The following ZNF789 variants were observed in gnomAD, a reference collection of about 807,000 sequenced individuals.
ZNF789 encodes zinc finger protein 789.
In ZNF789, 11 loss-of-function variants were observed where a neutral mutation model predicts 15.6. The ratio of observed to expected loss-of-function variants is 0.70; its 90% CI spans 0.44 to 1.16. ZNF789 has a LOEUF of 1.16. ZNF789 is among the 50% of genes most tolerant of loss of function. ZNF789 has a pLI of 0.00. For missense variants in ZNF789, 461 were observed against 512.6 expected (o/e 0.90, Z 0.97); for synonymous variants, 159 against 176.0 (o/e 0.90, Z 0.76).
intron 3 of ZNF789, chr7:99,483,678 C>CTT (rs1271327081): frequency 6.4e-6 from 5 of 780,546 alleles, no homozygotes. Flanking sequence ...CTGCCTAATA[C>CTT]TTATGCCTTC....
At chr7:99,482,871 T>C (rs959814318) in intron 3 of ZNF789, among the ~76,000 whole-genome samples, 4 of 150,514 alleles carry the variant, frequency 2.7e-5, no homozygotes, top group Non-Finnish European at 5.9e-5. Context: ...TAAAAAAAAT[T>C]TGGATCATGC....
chr7:99,481,442 T>C (rs1175257852), intron 3 of ZNF789: 1 of 152,170 alleles, frequency 6.6e-6, no homozygotes, highest in Non-Finnish European at 1.5e-5. Flanking sequence ...GCATATCCAA[T>C]AGTAACATTT....
chr7:99,483,649 A>G lies in ZNF789; in HGVS notation c.152-381A>G, dbSNP rs959434753. 1.2e-5 allele frequency: 9 copies of G among 773,000 alleles called. No homozygotes were observed. The African/African-American group carries it at 1.5e-4, about 13-fold the overall frequency. The allele number at this position is 773,000 out of a possible 1,614,324, so 47.9% of individuals were successfully genotyped here. On this transcript the variant is annotated intron_variant, in intron 3 of 4. Transcript: ENST00000331410. Reference sequence around the variant, plus strand: ...AAAAATAAAAAAAATAAACAATTGAATACAAGGATTTTTAATATCTGCCTA... The same window carrying G: ...AAAAATAAAAAAAATAAACAATTGAGTACAAGGATTTTTAATATCTGCCTA...
At chr7:99,479,989 A>C in intron 3 of ZNF789, 1 of 655,318 alleles carries the variant, frequency 1.5e-6, no homozygotes, top group Non-Finnish European at 2.4e-6. Context: ...TATTGTCTTT[A>C]TTTTTCCAAC....
chr7:99,487,239 CAGTGAATG>C lies in ZNF789; in HGVS notation c.1030_1037del (p.Ser344TrpfsTer6), dbSNP rs776517322. On this transcript the variant is annotated frameshift_variant, in exon 5 of 5. Transcript: ENST00000331410. LOFTEE classifies it low-confidence loss of function (END_TRUNC). ...ACAGTAAACCGAACACCCATAAATG[CAGTGAATG>C]TGGACAGTCCTTTGGTAGGAATGTG... The C allele has an allele frequency of 1.2e-6, 2 of 1,614,094 alleles. No homozygotes were observed. Among genetic ancestry groups the C allele is most frequent in the African/African-American group, 1.3e-5 (1 of 74,924 alleles).
chr7:99,474,687 G>A (rs906926586), intron 1 of ZNF789, among the ~76,000 whole-genome samples: 1 of 152,194 alleles, frequency 6.6e-6, no homozygotes, highest in Non-Finnish European at 1.5e-5. Context: ...GTTTGGACAA[G>A]TTTGGTGTAG....
chr7:99,482,889 G>A (rs1027326007), intron 3 of ZNF789, among the ~76,000 whole-genome samples: 1 of 151,746 alleles, frequency 6.6e-6, no homozygotes, highest in Admixed American at 6.6e-5. Context: ...TGCTATATAT[G>A]AGTTTTGTAT....
chr7:99,485,644 C>A (rs975209492), intron 4 of ZNF789, among the ~76,000 whole-genome samples: 1 of 152,030 alleles, frequency 6.6e-6, no homozygotes, highest in African/African-American at 2.4e-5. Context: ...CCAGCCTGGC[C>A]AACATGGCGA....
intron 3 of ZNF789, 121 bp from the exon 4 acceptor site, chr7:99,483,909 G>C (rs560556422): frequency 1.2e-6 from 1 of 824,876 alleles, no homozygotes; most frequent in African/African-American, 1.7e-5. Flanking sequence ...CAAAGATTGT[G>C]CCAATCTCTA....
At chr7:99,481,860 T>C (rs1404647910) in intron 3 of ZNF789, 15 of 355,830 alleles carry the variant, frequency 4.2e-5, no homozygotes, top group Non-Finnish European at 6.7e-5. Context: ...GTAAATAGAG[T>C]AGATAATAAA....
Position 99,486,543 on chromosome 7 carries a change from A to G in ZNF789, c.333A>G (p.Ser111=). The change falls in exon 5 of 5, where the codon TCA becomes TCG. Residue 111 remains serine, a synonymous_variant. Coordinates refer to ENST00000331410, the MANE Select transcript of ZNF789 (RefSeq NM_213603.3). ...AGAAATTTTCTGAAGATTTAGAGTC[A>G]TATAAGATATCAGTGGTAATGCAGG... ...PKQKFSEDLE[S]YKISVVMQES... 6.2e-7 allele frequency: 1 copy of G among 1,614,210 alleles called. No individual in the cohort carries two copies. Among genetic ancestry groups the G allele is most frequent in the Non-Finnish European group, 8.5e-7 (1 of 1,180,034 alleles).
In ZNF789 at chr7:99,484,666, C is replaced by T. The variant is rs140922719; in HGVS notation, c.265+523C>T. 3.5e-3 allele frequency among the ~76,000 whole-genome samples: 535 copies of T among 151,386 alleles called. 1 individual carries two copies. The highest frequency in any genetic ancestry group is 6.2e-3 in the Non-Finnish European group (419 of 67,892). The stretch of plus-strand genomic sequence containing the variant: ...CACACAGGCCTGGTATGGGGGCTCA[C>T]GCCGGTAATCCCAGCACTTTGGGAG... On this transcript the variant is annotated intron_variant, in intron 4 of 4. Transcript: ENST00000331410.
intron 3 of ZNF789, chr7:99,482,084 C>T (rs568868914): frequency 2.6e-6 from 2 of 768,224 alleles, no homozygotes; most frequent in South Asian, 1.4e-5. Flanking sequence ...ACAAGAAATT[C>T]ACTTATGTTT....
intron 3 of ZNF789, chr7:99,481,188 T>C (rs1333441751): frequency 2.6e-5 from 4 of 152,228 alleles, no homozygotes; most frequent in Non-Finnish European, 5.9e-5. Context: ...ATAATTCCAT[T>C]GTGTGGTCCA....
intron 2 of ZNF789, among the ~76,000 whole-genome samples, chr7:99,477,117 A>G (rs1799378340): frequency 6.6e-6 from 1 of 151,196 alleles, no homozygotes; most frequent in African/African-American, 2.4e-5. Context: ...ATCTCAGCTC[A>G]CTGCATCCTC....
chr7:99,483,411 CCT>C (rs1799749299), intron 3 of ZNF789, among the ~76,000 whole-genome samples: 1 of 152,056 alleles, frequency 6.6e-6, no homozygotes. Context: ...GGGTGGATCA[CCT>C]GAGGTCAGGA....
chr7:99,486,668 G>T lies in ZNF789; in HGVS notation c.458G>T (p.Gly153Val), dbSNP rs747777469. 2 of 1,614,188 alleles carry T rather than the reference G, an allele frequency of 1.2e-6. No individual in the cohort carries two copies. Among genetic ancestry groups the T allele is most frequent in the Non-Finnish European group, 1.7e-6 (2 of 1,180,044 alleles). ...FPTSGDEYSR[G>V]FLQNLNLIQD... ...ACTAGTGGTGATGAATACAGCAGGG[G>T]CTTCCTTCAAAACCTTAACCTTATT... The change falls in exon 5 of 5, where the codon GGC becomes GTC. Residue 153 changes from glycine (G) to valine (V), a missense_variant. Coordinates refer to ENST00000331410, the MANE Select transcript of ZNF789 (RefSeq NM_213603.3).
intron 2 of ZNF789, chr7:99,479,351 T>G: frequency 8.1e-6 from 2 of 247,994 alleles, no homozygotes; most frequent in Non-Finnish European, 1.5e-5. Flanking sequence ...CTCAGATTGT[T>G]GATTTGCTGT....
intron 2 of ZNF789, among the ~76,000 whole-genome samples, chr7:99,477,322 T>G (rs1019122894): frequency 1.3e-5 from 2 of 152,056 alleles, no homozygotes; most frequent in African/African-American, 4.8e-5. Context: ...ATTACAGGCG[T>G]GAGCCACTGT....
Sources: allele counts gnomAD v4.1 joint callset (sites outside exome capture counted in the v4.1 genomes callset), GRCh38; gene constraint gnomAD v4.1.1; transcripts MANE v1.5; gene names NCBI Gene and HGNC (gene_info 2026-07-23, HGNC 2026-07-21).